Variants in NAGA observed in about 807,000 individuals in gnomAD.
NAGA encodes the protein Acetylgalactosaminidase, alpha-N- (alpha-galactosidase B).
Under a neutral mutation model 45.6 loss-of-function variants are expected in NAGA, and 42 were observed. The observed-to-expected ratio is 0.92, with a 90% CI of 0.72 to 1.19. NAGA has a LOEUF of 1.19. NAGA is among the 50% of genes most tolerant of loss of function. The probability of loss-of-function intolerance (pLI) is 0.00; values close to 1 mark genes in which losing one functional copy is unlikely to be tolerated. For synonymous variants in NAGA, 176 were observed against 203.1 expected (o/e 0.87, Z 1.13); for missense variants, 493 against 544.8 (o/e 0.90, Z 0.95).
In NAGA at chr22:42,068,430, C is replaced by A. The variant is rs556655694; in HGVS notation, c.152+9G>T. On this transcript the variant is annotated intron_variant, in intron 2 of 8. Coordinates refer to ENST00000396398, the MANE Select transcript of NAGA (RefSeq NM_000262.3). ...CAAGGCTCATCAGGTGAGTGTGGACCTTACTCACCTTATGCAGTTCTTTGG... is the reference window on the plus strand; with the variant it reads ...CAAGGCTCATCAGGTGAGTGTGGACATTACTCACCTTATGCAGTTCTTTGG... The A allele has an allele frequency of 1.9e-6, 3 of 1,614,138 alleles. No homozygotes were observed. The East Asian group carries it at 6.7e-5, about 36-fold the overall frequency.
rs1019942206 is a variant in NAGA at position 42,060,833 on chromosome 22, G to C, written c.1101+91C>G. 12 of 1,571,736 alleles carry C rather than the reference G, an allele frequency of 7.6e-6. No homozygotes were observed. In the African/African-American group the frequency reaches 1.5e-4, roughly 19 times the overall value. ...CAGAGGCCCTAAGCCCACGGCTCAG[G>C]GGAGGCCATATGTGAACAACCACCC... On this transcript the variant is annotated intron_variant, in intron 8 of 8. Coordinates refer to ENST00000396398, the MANE Select transcript of NAGA (RefSeq NM_000262.3).
rs201582948 is a variant in NAGA, at chr22:42,060,306, G to A, written c.1209C>T (p.Ile403=). The A allele has an allele frequency of 4.5e-4, 728 of 1,613,496 alleles. 2 individuals are homozygous for A. The highest frequency in any genetic ancestry group is 7.1e-5 in the Non-Finnish European group (84 of 1,179,974). The change falls in exon 9 of 9, where the codon ATC becomes ATT. Residue 403 remains isoleucine (I), a synonymous_variant. Transcript: ENST00000396398. ...SGVVMWYLYP[I]KNLEMSQQ ...ACTGCTGGGACATCTCCAGGTTCTT[G>A]ATGGGATACAGGTACCACATCACTA...
chr22:42,068,806 G>A (rs1025049056), intron 1 of NAGA, among the ~76,000 whole-genome samples: 4 of 37,126 alleles, frequency 1.1e-4, no homozygotes, highest in Non-Finnish European at 2.0e-4. Context: ...AGGTCTGGCC[G>A]TCACCACAGC....
chr22:42,062,223 C>T (rs1045398477), intron 7 of NAGA, among the ~76,000 whole-genome samples: 1 of 152,128 alleles, frequency 6.6e-6, no homozygotes, highest in African/African-American at 2.4e-5. Context: ...CCTGTAATCC[C>T]AGCACTTTGG....
In NAGA at chr22:42,065,882, C is replaced by T. The variant is rs1177494961; in HGVS notation, c.615G>A (p.Leu205=). The change falls in exon 6 of 9, where the codon CTG becomes CTA. Residue 205 remains leucine (L), a synonymous_variant. Coordinates refer to ENST00000396398, the MANE Select transcript of NAGA (RefSeq NM_000262.3). Reference sequence around the variant, plus strand: ...TACGCCAGAGGTTGCAGATGTCCGCCAGCAGACTGTAGTTCACCTGGATGT... The same window carrying T: ...TACGCCAGAGGTTGCAGATGTCCGCTAGCAGACTGTAGTTCACCTGGATGT... The part of the protein sequence containing the change: ...GLPPRVNYSL[L]ADICNLWRNY... The T allele has an allele frequency of 6.2e-7, 1 of 1,614,118 alleles. No homozygotes were observed. Among genetic ancestry groups the T allele is most frequent in the Admixed American group, 1.7e-5 (1 of 60,014 alleles).
chr22:42,058,396 T>C lies in NAGA; in HGVS notation c.*1883A>G, dbSNP rs1602488209. 6.6e-6 allele frequency: 1 copy of C among 152,138 alleles called. No individual in the cohort carries two copies. The allele number at this position is 152,138 out of a possible 1,614,324, so 9.4% of individuals were successfully genotyped here. A position where few individuals can be genotyped will look rare whatever the true frequency, so the allele number is the denominator to read the frequency against. ...ATGCTGGGTACATGGAGGTTCACTC[T>C]ACCATTTTATTTTTGTATTTGAAAG... On this transcript the variant is annotated 3_prime_UTR_variant, in exon 9 of 9. Transcript: ENST00000396398.
In NAGA at chr22:42,065,902, G is replaced by A. The variant is rs1215802116; in HGVS notation, c.598-3C>T. 1 of 1,613,796 alleles carries A rather than the reference G, an allele frequency of 6.2e-7. No individual in the cohort carries two copies. The highest frequency in any genetic ancestry group is 1.7e-5 in the Admixed American group (1 of 59,974). On this transcript the variant is annotated splice_region_variant and splice_polypyrimidine_tract_variant and intron_variant, in intron 5 of 8. Transcript: ENST00000396398. ...TCCGCCAGCAGACTGTAGTTCACCT[G>A]GATGTCGAGGGGAAGGCAGAGTCCA... is the stretch of plus-strand genomic sequence containing the variant.
intron 6 of NAGA, among the ~76,000 whole-genome samples, 158 bp downstream of exon 6, chr22:42,065,580 T>A (rs142140774): frequency 1.4e-4 from 21 of 152,236 alleles, no homozygotes; most frequent in African/African-American, 4.8e-4. Context: ...GAAACCAGCT[T>A]CTAAGTCAAG....
chr22:42,066,018 A>G (rs2146841805), intron 5 of NAGA, 119 bp from the exon 6 acceptor site: 2 of 1,306,152 alleles, frequency 1.5e-6, no homozygotes, highest in East Asian at 5.0e-5. Flanking sequence ...AGGGAAGAGA[A>G]CAGGCCCCAC....
At position 42,065,871 on chromosome 22, in the gene NAGA, C is replaced by T. The variant is rs1049240625; in HGVS notation, c.626G>A (p.Cys209Tyr). 4 of 1,613,998 alleles carry T rather than the reference C, an allele frequency of 2.5e-6. No individual in the cohort carries two copies. The highest frequency in any genetic ancestry group is 2.7e-5 in the African/African-American group (2 of 74,904). The change falls in exon 6 of 9, where the codon TGC becomes TAC. Residue 209 changes from cysteine to tyrosine, a missense_variant. By Grantham distance (194) the Cys-to-Tyr change is radical. Transcript: ENST00000396398. ...RVNYSLLADI[C>Y]NLWRNYDDIQ... is the part of the protein sequence containing the mutation. Reference sequence around the variant, plus strand: ...GTCATCATAGTTACGCCAGAGGTTGCAGATGTCCGCCAGCAGACTGTAGTT... The same window carrying T: ...GTCATCATAGTTACGCCAGAGGTTGTAGATGTCCGCCAGCAGACTGTAGTT...
At position 42,070,285 on chromosome 22, in the gene NAGA, T is replaced by C. The variant is rs768830215; in HGVS notation, c.13A>G (p.Thr5Ala). Reference sequence around the variant, plus strand: ...CCACCCCAGCCGGTGTAGGTACCTGTCTTCAGCAGCATCGCTCTGGACTCA... The same window carrying C: ...CCACCCCAGCCGGTGTAGGTACCTGCCTTCAGCAGCATCGCTCTGGACTCA... MLLK[T>A]VLLLGHVAQV... is the part of the protein sequence containing the mutation. Residue 5 changes from threonine (T) to alanine (A), a missense_variant, in exon 1 of 9, where the codon ACA becomes GCA. By Grantham distance (58) the Thr-to-Ala change is moderately conservative. Transcript: ENST00000396398. The C allele has an allele frequency of 1.9e-6, 3 of 1,614,220 alleles. No individual in the cohort carries two copies. The highest frequency in any genetic ancestry group is 3.3e-5 in the Admixed American group (2 of 60,024).
At chr22:42,063,175 C>T (rs781725994) in intron 6 of NAGA, 151 bp from the exon 7 acceptor site, 23 of 783,512 alleles carry the variant, frequency 2.9e-5, no homozygotes, top group Non-Finnish European at 4.4e-5. Flanking sequence ...AACACCATTC[C>T]CTAGCCCTGT....
chr22:42,067,072 T>G, intron 4 of NAGA, 41 bp downstream of exon 4: 1 of 1,610,926 alleles, frequency 6.2e-7, no homozygotes, highest in Non-Finnish European at 8.5e-7. Flanking sequence ...ATGGCCACCC[T>G]CCCCGTTTGC....
At chr22:42,067,687 TA>T in intron 3 of NAGA, 77 bp downstream of exon 3, 1 of 1,281,846 alleles carries the variant, frequency 7.8e-7, no homozygotes, top group Non-Finnish European at 1.1e-6. Context: ...CTCAATCATG[TA>T]AGTGAGCCCT....
chr22:42,070,523 T>A lies in NAGA; in HGVS notation c.-226A>T. On this transcript the variant is annotated 5_prime_UTR_variant, in exon 1 of 9. Transcript: ENST00000396398. ...GGAGCTTCAGTTCTTCCTTCAGAAATACGAAACAACGTGTCTTGGATGTCA... is the reference window on the plus strand; with the variant it reads ...GGAGCTTCAGTTCTTCCTTCAGAAAAACGAAACAACGTGTCTTGGATGTCA... 1.6e-6 allele frequency: 1 copy of A among 643,898 alleles called. No homozygotes were observed. Among genetic ancestry groups the A allele is most frequent in the Non-Finnish European group, 2.8e-6 (1 of 352,708 alleles). 39.9% of individuals were successfully genotyped at this position (643,898 alleles called of 1,614,324 possible). A position where few individuals can be genotyped will look rare whatever the true frequency, so the allele number is the denominator to read the frequency against.
At position 42,060,341 on chromosome 22, in the gene NAGA, G is replaced by C; in HGVS notation, c.1174C>G (p.Pro392Ala). The change falls in exon 9 of 9, where the codon CCT (proline) becomes GCT (alanine). Residue 392 changes from proline to alanine, a missense_variant. Physicochemically the swap from Pro to Ala is conservative, Grantham distance 27 (BLOSUM62 -1). Transcript: ENST00000396398. ...AGGTACCACATCACTACCCCTGAAG[G>C]GTTGATGATCACTGTGAAGTTGGTT... is the stretch of plus-strand genomic sequence containing the variant. ...DETNFTVIIN[P>A]SGVVMWYLYP... 1 of 1,613,748 alleles carries C rather than the reference G, an allele frequency of 6.2e-7. No individual in the cohort carries two copies. The highest frequency in any genetic ancestry group is 1.7e-5 in the Admixed American group (1 of 59,988).
At chr22:42,062,596 G>A (rs1926470504) in intron 7 of NAGA, among the ~76,000 whole-genome samples, 1 of 152,066 alleles carries the variant, frequency 6.6e-6, no homozygotes, top group South Asian at 2.1e-4. Flanking sequence ...TCTCATCCCC[G>A]ACTCCCTTGA....
At chr22:42,060,536 G>A (rs1050047787) in intron 8 of NAGA, 123 bp from the exon 9 acceptor site, 1 of 1,381,678 alleles carries the variant, frequency 7.2e-7, no homozygotes. Flanking sequence ...CTTCCAGTAT[G>A]CCCTACAGAA....
At chr22:42,065,611 G>T in intron 6 of NAGA, 127 bp downstream of exon 6, 1 of 1,281,574 alleles carries the variant, frequency 7.8e-7, no homozygotes, top group Non-Finnish European at 1.1e-6. Flanking sequence ...CCAGTTCAGG[G>T]ACACATTTCA....
Sources: allele counts gnomAD v4.1 joint callset (sites outside exome capture counted in the v4.1 genomes callset), GRCh38; gene constraint gnomAD v4.1.1; transcripts MANE v1.5; gene names NCBI Gene and HGNC (gene_info 2026-07-23, HGNC 2026-07-21).